FGFR1: variants seen among roughly 807,000 people sequenced by gnomAD.
The protein encoded by FGFR1 is fibroblast growth factor receptor 1.
A neutral mutation model predicts 93.7 loss-of-function variants in FGFR1; 18 were observed. The observed-to-expected ratio is 0.19, with a 90% CI of 0.13 to 0.28. The LOEUF (loss-of-function observed/expected upper bound fraction) is 0.28. Ranked by LOEUF, FGFR1 falls within the 10% of genes least tolerant of loss-of-function variation. The pLI is 1.00. For missense variants in FGFR1, 731 were observed against 1,080.4 expected (o/e 0.68, Z 4.53); for synonymous variants, 448 against 429.3 (o/e 1.04, Z -0.54).
intron 1 of FGFR1, chr8:38,461,208 A>C (rs1200177359): frequency 6.9e-7 from 1 of 1,443,584 alleles, no homozygotes; most frequent in Non-Finnish European, 9.4e-7. Flanking sequence ...GTGTCTGGTG[A>C]GATAGCAGGG....
At chr8:38,451,844 G>A (rs1831175650) in intron 2 of FGFR1, among the ~76,000 whole-genome samples, 1 of 152,058 alleles carries the variant, frequency 6.6e-6, no homozygotes, top group Non-Finnish European at 1.5e-5. Flanking sequence ...CTCACTCACT[G>A]GCTTTGCCCA....
chr8:38,415,818 G>A (rs919319792), intron 13 of FGFR1, 52 bp downstream of exon 13: 1 of 1,556,978 alleles, frequency 6.4e-7, no homozygotes. Flanking sequence ...GAAGACTAGG[G>A]GGGCTCTGTT....
At chr8:38,437,105 C>A (rs373622954) in intron 2 of FGFR1, among the ~76,000 whole-genome samples, 137 of 152,284 alleles carry the variant, frequency 9.0e-4, no homozygotes, top group African/African-American at 3.2e-3. Context: ...GTCTTGAACT[C>A]CTGAACTTAA....
intron 2 of FGFR1, among the ~76,000 whole-genome samples, chr8:38,452,200 G>GACACACAC (rs3051753): frequency 1.1e-3 from 153 of 139,178 alleles, no homozygotes; most frequent in Non-Finnish European, 1.6e-3. Flanking sequence ...CAGACACACA[G>GACACACAC]ACACACACAC....
intron 8 of FGFR1, 33 bp from the exon 9 acceptor site, chr8:38,419,768 T>C (rs1466140182): frequency 1.3e-6 from 2 of 1,598,920 alleles, no homozygotes; most frequent in Non-Finnish European, 1.7e-6. Context: ...TTAGCAGGCT[T>C]GGAGGGCCCC....
chr8:38,452,743 G>A (rs531090965), intron 2 of FGFR1, among the ~76,000 whole-genome samples: 11 of 152,190 alleles, frequency 7.2e-5, no homozygotes, highest in African/African-American at 2.6e-4. Context: ...TTGGGAGGCC[G>A]AGGTGGGCAG....
chr8:38,429,545 G>A lies in FGFR1; in HGVS notation c.358+137C>T. The A allele has an allele frequency of 3.0e-6, 3 of 1,014,030 alleles. No individual in the cohort carries two copies. Among genetic ancestry groups the A allele is most frequent in the Admixed American group, 2.1e-5 (1 of 47,994 alleles). The allele number at this position is 1,014,030 out of a possible 1,614,324, so 62.8% of individuals were successfully genotyped here. On this transcript the variant is annotated intron_variant, in intron 3 of 17. Transcript: ENST00000447712. The surrounding 1 kb of genome is among the most constrained non-coding windows in gnomAD (Gnocchi z 4.4). ...AGCCACGCGGCAGGCAGGGAGCAATGTTAGTGGGCAGCAGTTTCTGAAGCA... is the reference window on the plus strand; with the variant it reads ...AGCCACGCGGCAGGCAGGGAGCAATATTAGTGGGCAGCAGTTTCTGAAGCA...
At chr8:38,462,868 G>A (rs1018737119) in intron 1 of FGFR1, among the ~76,000 whole-genome samples, 3 of 147,788 alleles carry the variant, frequency 2.0e-5, no homozygotes, top group African/African-American at 7.5e-5. Context: ...CCTCCCAAAG[G>A]GCTGGGATTA....
intron 2 of FGFR1, chr8:38,440,241 C>CG: frequency 7.0e-7 from 1 of 1,430,512 alleles, no homozygotes; most frequent in Non-Finnish European, 9.6e-7. Context: ...AGCGGGGCTC[C>CG]GGGGGCCCTC....
At chr8:38,451,331 A>G (rs1831010458) in intron 2 of FGFR1, among the ~76,000 whole-genome samples, 1 of 151,326 alleles carries the variant, frequency 6.6e-6, no homozygotes, top group African/African-American at 2.4e-5. Flanking sequence ...GCTAGACTAC[A>G]GGTCTGATAG....
chr8:38,425,043 G>A (rs183691133), intron 6 of FGFR1, among the ~76,000 whole-genome samples: 6 of 152,296 alleles, frequency 3.9e-5, no homozygotes, highest in Non-Finnish European at 8.8e-5. Context: ...GCTATTCAAA[G>A]TGTGGTCCAC....
chr8:38,441,867 G>C (rs917545111), intron 2 of FGFR1, among the ~76,000 whole-genome samples: 3 of 152,274 alleles, frequency 2.0e-5, no homozygotes, highest in African/African-American at 7.2e-5. Flanking sequence ...CTTGCAAATG[G>C]AAAGAGCCAT....
chr8:38,424,411 ATT>A lies in FGFR1; in HGVS notation c.936+96_936+97del. 1 of 1,324,728 alleles carries A rather than the reference ATT, an allele frequency of 7.5e-7. No homozygotes were observed. Among genetic ancestry groups the A allele is most frequent in the Non-Finnish European group, 1.1e-6 (1 of 919,980 alleles). The allele number at this position is 1,324,728 out of a possible 1,614,324, so 82.1% of individuals were successfully genotyped here. A position where few individuals can be genotyped will look rare whatever the true frequency, so the allele number is the denominator to read the frequency against. On this transcript the variant is annotated intron_variant, in intron 7 of 17. Transcript: ENST00000447712. This position sits in a 1 kb window ranked among gnomAD's most constrained non-coding sequence, Gnocchi z 4.3. ...TGCCTGAAGCGTGAGGAATGATCCC[ATT>A]CGGGGGCAACTGAGCCTGCCCACAG...
At chr8:38,432,118 CAA>C (rs2150995417) in intron 2 of FGFR1, among the ~76,000 whole-genome samples, 1 of 152,262 alleles carries the variant, frequency 6.6e-6, no homozygotes, top group South Asian at 2.1e-4. Flanking sequence ...AAGCAGCTCC[CAA>C]AGACAAAAAT....
chr8:38,455,566 C>T (rs1474870436), intron 2 of FGFR1, among the ~76,000 whole-genome samples: 3 of 152,236 alleles, frequency 2.0e-5, no homozygotes, highest in African/African-American at 7.2e-5. Flanking sequence ...GCTGGGATTA[C>T]AGGCGTGAGC....
chr8:38,453,632 T>C (rs1265058834), intron 2 of FGFR1, among the ~76,000 whole-genome samples: 1 of 152,190 alleles, frequency 6.6e-6, no homozygotes, highest in African/African-American at 2.4e-5. Flanking sequence ...CCAGGTGTGG[T>C]GGCTCACACC....
chr8:38,417,658 C>T (rs1387158295), intron 11 of FGFR1: 2 of 765,366 alleles, frequency 2.6e-6, no homozygotes, highest in African/African-American at 3.4e-5. Flanking sequence ...AAACACCTGA[C>T]CACAGCCCAG....
chr8:38,440,480 A>G, intron 2 of FGFR1: 1 of 876,488 alleles, frequency 1.1e-6, no homozygotes, highest in Non-Finnish European at 1.7e-6. Flanking sequence ...GTATGTGTGG[A>G]AAGAGAGCCG....
Position 38,453,325 on chromosome 8 carries a change from C to T in FGFR1, c.91+4031G>A, listed in dbSNP as rs569129840. Among the ~76,000 whole-genome samples the T allele has an allele frequency of 1.5e-3, 223 of 152,332 alleles. 2 individuals carry two copies. The highest frequency in any genetic ancestry group is 2.1e-3 in the Non-Finnish European group (145 of 68,032). On this transcript the variant is annotated intron_variant, in intron 2 of 17. Coordinates refer to ENST00000447712, the MANE Select transcript of FGFR1 (RefSeq NM_023110.3). ...CCCCTGGAGGCCCAGGGAAAGGGAC[C>T]CACAACGGCCATTGACTGCTCATGG...
Sources: allele counts gnomAD v4.1 joint callset (sites outside exome capture counted in the v4.1 genomes callset), GRCh38; gene constraint gnomAD v4.1.1; non-coding constraint Gnocchi (gnomAD v3.1); transcripts MANE v1.5; gene names NCBI Gene and HGNC (gene_info 2026-07-23, HGNC 2026-07-21).